Variants in PTPRD observed in about 807,000 individuals in gnomAD.
PTPRD encodes the protein receptor-type tyrosine-protein phosphatase delta.
In PTPRD, 34 loss-of-function variants were observed where a neutral mutation model predicts 214.5. The observed-to-expected ratio is 0.16, with a 90% CI of 0.12 to 0.21. The LOEUF (loss-of-function observed/expected upper bound fraction) is 0.21. Ranked by LOEUF, PTPRD falls within the 10% of genes least tolerant of loss-of-function variation. The pLI, the probability that PTPRD is intolerant of heterozygous loss-of-function variation, is 1.00. For synonymous variants in PTPRD, 1,128 were observed against 845.7 expected (o/e 1.33, Z -5.79); for missense variants, 2,545 against 2,398.7 (o/e 1.06, Z -1.27).
In PTPRD at chr9:9,019,812, T is replaced by A. The variant is rs182219667; in HGVS notation, c.-142-1077A>T. On this transcript the variant is annotated intron_variant, in intron 10 of 45. Transcript: ENST00000381196. ...TTGTAGTGTTTCGGGAGTTTTATAA[T>A]TTATAAGTAACTCTAAAAACTGGGC... Among the ~76,000 whole-genome samples the A allele has an allele frequency of 8.6e-3, 1,308 of 152,334 alleles. 12 individuals are homozygous for A. Among genetic ancestry groups the A allele is most frequent in the Non-Finnish European group, 0.012 (848 of 68,036 alleles).
At chr9:10,086,569 C>T (rs962960145) in intron 3 of PTPRD, among the ~76,000 whole-genome samples, 3 of 151,752 alleles carry the variant, frequency 2.0e-5, no homozygotes, top group African/African-American at 7.2e-5. Context: ...ACTTTTAATG[C>T]TGTGATCCTC....
intron 7 of PTPRD, among the ~76,000 whole-genome samples, chr9:9,617,708 T>C (rs2094963657): frequency 1.3e-5 from 2 of 152,018 alleles, no homozygotes; most frequent in South Asian, 2.1e-4. Flanking sequence ...GTGTAAGAGA[T>C]TAGGATGGTG....
At chr9:9,853,539 G>C (rs77040057) in intron 5 of PTPRD, among the ~76,000 whole-genome samples, 2,982 of 151,446 alleles carry the variant, frequency 0.02, 98 homozygotes, top group African/African-American at 0.069. Flanking sequence ...ATTTTTAAGG[G>C]TTTTTTTTGT....
intron 10 of PTPRD, among the ~76,000 whole-genome samples, chr9:9,026,901 A>G (rs1215817843): frequency 1.3e-5 from 2 of 151,756 alleles, no homozygotes; most frequent in Non-Finnish European, 2.9e-5. Context: ...CAAAGAAAGC[A>G]AGTTTCAATT....
At chr9:10,060,250 T>G (rs2097733802) in intron 3 of PTPRD, among the ~76,000 whole-genome samples, 1 of 152,030 alleles carries the variant, frequency 6.6e-6, no homozygotes, top group South Asian at 2.1e-4. Context: ...AATTGAAGGT[T>G]TATTGGTTAA....
intron 5 of PTPRD, among the ~76,000 whole-genome samples, chr9:9,854,901 A>T (rs546242153): frequency 6.6e-6 from 1 of 152,302 alleles, no homozygotes; most frequent in African/African-American, 2.4e-5. Flanking sequence ...TTATTCCCAC[A>T]ACTGGACCAA....
At position 8,814,471 on chromosome 9, in the gene PTPRD, T is replaced by C. The variant is rs76118530; in HGVS notation, c.-103-80525A>G. ...GCTGCAAACCTGAAGCTGAGACCAA[T>C]AGGAAGACCCCAGAAAGGGTGAGGT... On this transcript the variant is annotated intron_variant, in intron 11 of 45. Coordinates refer to ENST00000381196, the MANE Select transcript of PTPRD (RefSeq NM_002839.4). Among the ~76,000 whole-genome samples, 756 of 151,982 alleles carry C rather than the reference T, an allele frequency of 5.0e-3. 4 individuals carry two copies. Among genetic ancestry groups the C allele is most frequent in the African/African-American group, 0.017 (720 of 41,404 alleles).
At chr9:9,270,760 G>A (rs1038028275) in intron 9 of PTPRD, among the ~76,000 whole-genome samples, 4 of 151,372 alleles carry the variant, frequency 2.6e-5, no homozygotes, top group African/African-American at 9.7e-5. Context: ...TTGACATGAT[G>A]GTATCTTTAG....
intron 11 of PTPRD, among the ~76,000 whole-genome samples, chr9:8,834,331 A>C (rs1259813465): frequency 1.3e-5 from 2 of 152,180 alleles, no homozygotes; most frequent in Admixed American, 6.5e-5. Context: ...TATCATATGA[A>C]GTGTAAAAAT....
At chr9:10,436,217 T>A (rs548341619) in intron 2 of PTPRD, among the ~76,000 whole-genome samples, 105 of 151,938 alleles carry the variant, frequency 6.9e-4, no homozygotes, top group African/African-American at 2.3e-3. Context: ...ATCAAGATAA[T>A]TCTTCTCTCT....
intron 14 of PTPRD, among the ~76,000 whole-genome samples, chr9:8,535,727 T>C (rs1246820592): frequency 1.3e-5 from 2 of 151,932 alleles, no homozygotes; most frequent in Admixed American, 6.6e-5. Context: ...GTTTTGTTTT[T>C]TCATCTCAAA....
At chr9:10,527,959 A>C (rs929069657) in intron 2 of PTPRD, among the ~76,000 whole-genome samples, 1 of 152,162 alleles carries the variant, frequency 6.6e-6, no homozygotes, top group African/African-American at 2.4e-5. Flanking sequence ...TAAATAATCC[A>C]TAGTAAATAT....
intron 11 of PTPRD, among the ~76,000 whole-genome samples, chr9:8,966,077 C>A (rs991808016): frequency 6.6e-6 from 1 of 151,882 alleles, no homozygotes; most frequent in Non-Finnish European, 1.5e-5. Flanking sequence ...TACATATAAC[C>A]AAGGAGGTGA....
intron 5 of PTPRD, among the ~76,000 whole-genome samples, chr9:9,804,233 G>C (rs1393478107): frequency 6.6e-6 from 1 of 151,940 alleles, no homozygotes. Flanking sequence ...CTTTGATTCT[G>C]AAGTAAGACA....
chr9:8,967,168 GA>G (rs1302876501), intron 11 of PTPRD, among the ~76,000 whole-genome samples: 10 of 151,836 alleles, frequency 6.6e-5, no homozygotes, highest in Non-Finnish European at 8.8e-5. Context: ...TGAGGTTGTG[GA>G]AAAAAGGGAA....
At chr9:8,415,534 T>C (rs1259382904) in intron 35 of PTPRD, among the ~76,000 whole-genome samples, 1 of 150,282 alleles carries the variant, frequency 6.7e-6, no homozygotes, top group Non-Finnish European at 1.5e-5. Context: ...ATAATTTCTT[T>C]TTTAATTTTT....
At chr9:8,589,713 C>T (rs1275444738) in intron 14 of PTPRD, among the ~76,000 whole-genome samples, 3 of 152,100 alleles carry the variant, frequency 2.0e-5, no homozygotes, top group Admixed American at 6.5e-5. Context: ...TACTTGGTTG[C>T]GTTGGCACGT....
intron 9 of PTPRD, among the ~76,000 whole-genome samples, chr9:9,273,522 G>A (rs1360227616): frequency 6.6e-6 from 1 of 151,178 alleles, no homozygotes; most frequent in Non-Finnish European, 1.5e-5. Context: ...ATAAAGTTGG[G>A]TTTATTTACT....
At chr9:10,359,146 G>C (rs989764321) in intron 2 of PTPRD, among the ~76,000 whole-genome samples, 1 of 151,826 alleles carries the variant, frequency 6.6e-6, no homozygotes, top group Non-Finnish European at 1.5e-5. Flanking sequence ...TATATCATGA[G>C]ATCTATTGTT....
Sources: allele counts gnomAD v4.1 joint callset (sites outside exome capture counted in the v4.1 genomes callset), GRCh38; gene constraint gnomAD v4.1.1; transcripts MANE v1.5; gene names NCBI Gene and HGNC (gene_info 2026-07-23, HGNC 2026-07-21).